Variants in SPIDR observed in about 807,000 individuals in gnomAD.
The protein encoded by SPIDR is scaffold protein involved in DNA repair, also known as DNA repair-scaffolding protein.
SPIDR carries 93 observed loss-of-function variants against 104.6 expected under a neutral mutation model. That is an observed-to-expected ratio of 0.89 (90% CI 0.75 to 1.06). The LOEUF is 1.06. Among genes scored for constraint, SPIDR ranks in the 50% least tolerant of loss-of-function variants. The pLI is 0.00. For synonymous variants in SPIDR, 431 were observed against 416.9 expected, an observed-to-expected ratio of 1.03 and a Z score of -0.41; for missense variants, 1,154 against 1,111.2, an observed-to-expected ratio of 1.04 and a Z score of -0.55.
chr8:47,696,967 T>C (rs893870454), intron 11 of SPIDR, among the ~76,000 whole-genome samples: 23 of 152,030 alleles, frequency 1.5e-4, no homozygotes, highest in African/African-American at 5.3e-4. Flanking sequence ...CTGGAGGACG[T>C]GAGTTGGCAG....
intron 1 of SPIDR, 110 bp from the exon 2 acceptor site, chr8:47,279,752 C>G (rs1395314497): frequency 5.5e-6 from 6 of 1,088,380 alleles, no homozygotes; most frequent in African/African-American, 1.6e-5. Flanking sequence ...TATACCTTTA[C>G]TGATGCCACT....
At chr8:47,359,139 G>A (rs895104730) in intron 5 of SPIDR, among the ~76,000 whole-genome samples, 9 of 151,548 alleles carry the variant, frequency 5.9e-5, no homozygotes, top group Admixed American at 4.6e-4. Context: ...CCAGCTACTC[G>A]GGAGGCTGAG....
rs932937135 is a variant in SPIDR, at chr8:47,260,950, C to T, written c.-9C>T. ...GAGGAGGCGGTGCGCTCAGGCGGCG[C>T]TCCCGGAGATGCCCCGCGGCAGCCG... On this transcript the variant is annotated 5_prime_UTR_variant, in exon 1 of 20. Transcript: ENST00000297423. 237 of 1,228,586 alleles carry T rather than the reference C, an allele frequency of 1.9e-4. No homozygotes were observed. Among genetic ancestry groups the T allele is most frequent in the Non-Finnish European group, 2.1e-4 (210 of 985,710 alleles). The allele number at this position is 1,228,586 out of a possible 1,614,324, so 76.1% of individuals were successfully genotyped here.
chr8:47,468,541 A>G lies in SPIDR; in HGVS notation c.1097+27999A>G, dbSNP rs1482162719. ...ATGGAACAGAATAAACAACCCAAAA[A>G]TAAGGCCGCACACCTACAGTCATCT... On this transcript the variant is annotated intron_variant, in intron 8 of 19. Transcript: ENST00000297423. 2.6e-5 allele frequency among the ~76,000 whole-genome samples: 4 copies of G among 152,174 alleles called. No individual in the cohort carries two copies. The East Asian group carries it at 7.7e-4, about 29-fold the overall frequency.
chr8:47,288,417 T>A (rs1407799721), intron 3 of SPIDR, among the ~76,000 whole-genome samples: 2 of 152,128 alleles, frequency 1.3e-5, no homozygotes, highest in Non-Finnish European at 2.9e-5. Flanking sequence ...CCCGAGTAGC[T>A]GGGATTACAG....
intron 8 of SPIDR, among the ~76,000 whole-genome samples, chr8:47,546,619 T>G (rs2089431164): frequency 6.6e-6 from 1 of 152,168 alleles, no homozygotes; most frequent in African/African-American, 2.4e-5. Context: ...AATCTATTAT[T>G]TCCTTTTCTC....
intron 1 of SPIDR, among the ~76,000 whole-genome samples, chr8:47,262,079 C>T (rs1476147882): frequency 6.6e-6 from 1 of 152,102 alleles, no homozygotes; most frequent in Non-Finnish European, 1.5e-5. Context: ...TAATTTTTGA[C>T]CTTGTGCTTT....
chr8:47,409,046 C>A (rs1554669353), intron 7 of SPIDR, among the ~76,000 whole-genome samples: 1 of 152,064 alleles, frequency 6.6e-6, no homozygotes, highest in East Asian at 1.9e-4. Flanking sequence ...ATTAGCTGGG[C>A]GTGGTGGTGC....
At chr8:47,284,963 G>GT (rs1212716577) in intron 3 of SPIDR, among the ~76,000 whole-genome samples, 2 of 152,270 alleles carry the variant, frequency 1.3e-5, no homozygotes, top group Admixed American at 6.5e-5. Flanking sequence ...TGTAGGAAGA[G>GT]TGAGGGCTTG....
intron 8 of SPIDR, among the ~76,000 whole-genome samples, chr8:47,567,756 CTTCTT>C (rs1318687559): frequency 3.3e-4 from 44 of 134,360 alleles, no homozygotes; most frequent in East Asian, 1.3e-3. Context: ...CTTTTGTTTT[CTTCTT>C]TTCTTTTCTT....
intron 10 of SPIDR, among the ~76,000 whole-genome samples, chr8:47,649,577 G>A (rs1049614345): frequency 6.6e-6 from 1 of 152,174 alleles, no homozygotes; most frequent in African/African-American, 2.4e-5. Flanking sequence ...GGAAGATTAG[G>A]TGGAGGGAAG....
At chr8:47,480,545 G>A (rs1391447572) in intron 8 of SPIDR, among the ~76,000 whole-genome samples, 2 of 152,184 alleles carry the variant, frequency 1.3e-5, no homozygotes, top group Non-Finnish European at 2.9e-5. Flanking sequence ...AGTGTTAGTG[G>A]GTAGTTGGTG....
intron 5 of SPIDR, among the ~76,000 whole-genome samples, chr8:47,371,650 T>C (rs902652190): frequency 6.6e-6 from 1 of 152,196 alleles, no homozygotes; most frequent in East Asian, 1.9e-4. Flanking sequence ...CATAGGAATC[T>C]TGGGGGGAGA....
Position 47,337,510 on chromosome 8 carries a change from G to T in SPIDR, c.525+43480G>T, listed in dbSNP as rs2049983594. 2.6e-5 allele frequency among the ~76,000 whole-genome samples: 4 copies of T among 151,806 alleles called. No homozygotes were observed. The South Asian group carries it at 8.3e-4, about 32-fold the overall frequency. ...AAGTCTTTTTTTTTCCCAGATGTAT[G>T]ATTTGTAAATATTTTTTCCCATCAT... On this transcript the variant is annotated intron_variant, in intron 5 of 19. Coordinates refer to ENST00000297423, the MANE Select transcript of SPIDR (RefSeq NM_001080394.4).
intron 10 of SPIDR, among the ~76,000 whole-genome samples, chr8:47,618,634 C>A (rs2064686940): frequency 6.6e-6 from 1 of 152,090 alleles, no homozygotes. Flanking sequence ...TTTTAAAAAC[C>A]CGCATATAAT....
At chr8:47,593,628 C>G (rs568203921) in intron 8 of SPIDR, among the ~76,000 whole-genome samples, 4 of 152,292 alleles carry the variant, frequency 2.6e-5, no homozygotes, top group African/African-American at 9.6e-5. Context: ...ATTGAAACCT[C>G]TTTTAGGTAG....
intron 8 of SPIDR, among the ~76,000 whole-genome samples, chr8:47,586,874 T>TA (rs777287031): frequency 7.2e-5 from 11 of 152,156 alleles, no homozygotes; most frequent in Non-Finnish European, 1.6e-4. Flanking sequence ...GTTCAAACAG[T>TA]TCTCCTGCCT....
chr8:47,656,290 G>A (rs2072795441), intron 10 of SPIDR, among the ~76,000 whole-genome samples: 1 of 152,232 alleles, frequency 6.6e-6, no homozygotes, highest in Admixed American at 6.5e-5. Flanking sequence ...CTTGTATCCA[G>A]AATATGTAAA....
chr8:47,368,362 A>C (rs2057518624), intron 5 of SPIDR, among the ~76,000 whole-genome samples: 3 of 116,750 alleles, frequency 2.6e-5, no homozygotes, highest in Non-Finnish European at 4.0e-5. Context: ...AAAAAAAAAA[A>C]AAAAAAAAAA....
Sources: allele counts gnomAD v4.1 joint callset (sites outside exome capture counted in the v4.1 genomes callset), GRCh38; gene constraint gnomAD v4.1.1; transcripts MANE v1.5; gene names NCBI Gene and HGNC (gene_info 2026-07-23, HGNC 2026-07-21).